SLC38A8: variants seen among roughly 807,000 people sequenced by gnomAD.
SLC38A8 encodes amino acid transporter SLC38A8.
In SLC38A8, 65 loss-of-function variants were observed where a neutral mutation model predicts 46.0. The observed-to-expected ratio is 1.41, with a 90% CI of 1.16 to 1.74. The LOEUF (loss-of-function observed/expected upper bound fraction) is 1.74, where lower values mean the gene tolerates loss of function less well. SLC38A8 is among the 40% of genes most tolerant of loss of function. The pLI is 0.00. For missense variants in SLC38A8, 998 were observed against 567.9 expected (o/e 1.76, Z -7.70); for synonymous variants, 447 against 243.7 (o/e 1.83, Z -7.77).
chr16:84,015,556 G>A (rs2085015200), intron 9 of SLC38A8, among the ~76,000 whole-genome samples: 1 of 117,930 alleles, frequency 8.5e-6, no homozygotes, highest in African/African-American at 3.4e-5. Context: ...CAGCCCTGCT[G>A]CATACTAGCT....
intron 6 of SLC38A8, among the ~76,000 whole-genome samples, chr16:84,023,192 G>A (rs558253812): frequency 1.3e-5 from 2 of 151,800 alleles, no homozygotes; most frequent in East Asian, 1.9e-4. Flanking sequence ...AACACCCACT[G>A]CCCCTTTCCC....
At chr16:84,036,564 G>C in intron 3 of SLC38A8, 138 bp downstream of exon 3, 7 of 955,158 alleles carry the variant, frequency 7.3e-6, no homozygotes, top group East Asian at 2.6e-5. Context: ...TACCATGTTA[G>C]GAACAAGAGT....
chr16:84,033,364 G>C lies in SLC38A8; in HGVS notation c.494C>G (p.Ser165Cys). 6.2e-7 allele frequency: 1 copy of C among 1,614,096 alleles called. No homozygotes were observed. The highest frequency in any genetic ancestry group is 8.5e-7 in the Non-Finnish European group (1 of 1,179,992). The change falls in exon 4 of 11, where the codon TCT becomes TGT. Residue 165 changes from serine to cysteine, a missense_variant. By Grantham distance (112) the Ser-to-Cys change is moderately radical. Transcript: ENST00000299709. ...CTGGAAGGCGATCTCCCGCGGGGCA[G>C]ACAGGGGCAGGATGACCAGCACGGA... is the stretch of plus-strand genomic sequence containing the variant. ...LLSVLVILPLSAPREIAFQKY... is the reference protein window; with the variant it reads ...LLSVLVILPLCAPREIAFQKY...
intron 3 of SLC38A8, 110 bp downstream of exon 3, chr16:84,036,592 T>C (rs2085301637): frequency 1.5e-5 from 19 of 1,248,140 alleles, no homozygotes; most frequent in Non-Finnish European, 1.9e-5. Flanking sequence ...CAGCCTCTGC[T>C]GTCCCTCAGG....
chr16:84,015,058 G>T (rs2085008936), intron 9 of SLC38A8, among the ~76,000 whole-genome samples: 1 of 152,140 alleles, frequency 6.6e-6, no homozygotes, highest in Admixed American at 6.5e-5. Flanking sequence ...GCTGCATCAG[G>T]GTGTTGGGGA....
chr16:84,019,494 T>G (rs935767227), intron 7 of SLC38A8, among the ~76,000 whole-genome samples: 4 of 152,240 alleles, frequency 2.6e-5, no homozygotes, highest in Non-Finnish European at 5.9e-5. Context: ...TCTCGACAGC[T>G]TCTTAAAGGC....
intron 2 of SLC38A8, 145 bp from the exon 3 acceptor site, chr16:84,037,045 G>A (rs1191773712): frequency 2.6e-6 from 2 of 783,282 alleles, no homozygotes; most frequent in Non-Finnish European, 4.1e-6. Context: ...CAGTCTACCA[G>A]CTATGTCACT....
intron 6 of SLC38A8, among the ~76,000 whole-genome samples, chr16:84,023,955 C>T (rs1597261110): frequency 6.6e-6 from 1 of 152,194 alleles, no homozygotes; most frequent in Non-Finnish European, 1.5e-5. Context: ...GTCCAAGTTA[C>T]AAGATAAACA....
rs192354803 is a variant in SLC38A8, at chr16:84,039,314, T to C, written c.190-2414A>G. ...GCCCTAGGAAACAGACACATGCAAT[T>C]GTAAAATATTGAGGGATTTCTCCAA... On this transcript the variant is annotated intron_variant, in intron 2 of 10. Coordinates refer to ENST00000299709, the MANE Select transcript of SLC38A8 (RefSeq NM_001080442.3). Among the ~76,000 whole-genome samples, 7 of 152,272 alleles carry C rather than the reference T, an allele frequency of 4.6e-5. 1 individual carries two copies. The East Asian group carries it at 1.4e-3, about 29-fold the overall frequency.
intron 7 of SLC38A8, among the ~76,000 whole-genome samples, chr16:84,021,670 C>A (rs750926026): frequency 1.3e-5 from 2 of 152,252 alleles, no homozygotes; most frequent in African/African-American, 2.4e-5. Context: ...TCCAAAGCCG[C>A]TTCCACGTTC....
At chr16:84,015,730 A>C (rs1285112434) in intron 9 of SLC38A8, among the ~76,000 whole-genome samples, 1 of 152,086 alleles carries the variant, frequency 6.6e-6, no homozygotes, top group Non-Finnish European at 1.5e-5. Flanking sequence ...TTTGAGATGG[A>C]GTTTCACTCT....
chr16:84,031,342 A>G (rs1278945118), intron 5 of SLC38A8, among the ~76,000 whole-genome samples: 1 of 152,166 alleles, frequency 6.6e-6, no homozygotes, highest in African/African-American at 2.4e-5. Flanking sequence ...CACCCTACCT[A>G]GAGTGACCCT....
At chr16:84,026,989 G>C (rs1424486618) in intron 6 of SLC38A8, among the ~76,000 whole-genome samples, 2 of 152,132 alleles carry the variant, frequency 1.3e-5, no homozygotes, top group African/African-American at 2.4e-5. Context: ...AAAATCCATT[G>C]CACTGCACAC....
chr16:84,022,293 A>G (rs2875853), intron 7 of SLC38A8, among the ~76,000 whole-genome samples: 104,059 of 152,136 alleles, frequency 0.68, 37,214 homozygotes, highest in African/African-American at 0.89. Context: ...AATGCACTGT[A>G]CGATCCTGCG....
intron 4 of SLC38A8, among the ~76,000 whole-genome samples, chr16:84,032,959 T>G (rs1304948921): frequency 0.013 from 461 of 34,686 alleles, 10 homozygotes; most frequent in African/African-American, 0.059. Context: ...TGTGGGTAGG[T>G]GGGTGTGCAT....
At chr16:84,019,332 C>T (rs2085069437) in intron 7 of SLC38A8, among the ~76,000 whole-genome samples, 2 of 152,124 alleles carry the variant, frequency 1.3e-5, no homozygotes, top group African/African-American at 2.4e-5. Flanking sequence ...CCTCAGCCTA[C>T]CATAATGCTG....
intron 10 of SLC38A8, among the ~76,000 whole-genome samples, 156 bp downstream of exon 10, chr16:84,012,845 T>C (rs921417378): frequency 9.2e-5 from 14 of 152,166 alleles, no homozygotes; most frequent in Admixed American, 9.2e-4. Flanking sequence ...TCAGATGCCC[T>C]CATACTGGGT....
intron 4 of SLC38A8, among the ~76,000 whole-genome samples, chr16:84,033,124 CGTT>C (rs1391620371): frequency 6.6e-6 from 1 of 152,166 alleles, no homozygotes; most frequent in African/African-American, 2.4e-5. Flanking sequence ...GTAGCACTGA[CGTT>C]GTTACAGGTC....
intron 9 of SLC38A8, 141 bp from the exon 10 acceptor site, chr16:84,013,193 G>A (rs1405528734): frequency 7.3e-6 from 6 of 827,050 alleles, no homozygotes; most frequent in South Asian, 5.0e-5. Flanking sequence ...CCCCTGGAGA[G>A]GCAACACAGT....
Sources: gnomAD v4.1 joint callset for allele counts (sites outside exome capture counted in the v4.1 genomes callset) on GRCh38, gnomAD v4.1.1 for gene constraint, MANE v1.5 for transcripts, NCBI Gene and HGNC (gene_info 2026-07-23, HGNC 2026-07-21) for gene names.